The following TTC17 variants were observed in gnomAD, a reference collection of about 807,000 sequenced individuals.
The protein encoded by TTC17 is tetratricopeptide repeat protein 17.
Under a neutral mutation model 143.8 loss-of-function variants are expected in TTC17, and 58 were observed. The observed-to-expected ratio is 0.40, with a 90% CI of 0.33 to 0.50. The LOEUF is 0.50. TTC17 is among the 20% of genes least tolerant of loss of function. TTC17 has a pLI of 0.49. For synonymous variants in TTC17, 501 were observed against 497.8 expected (o/e 1.01, Z -0.09); for missense variants, 1,273 against 1,392.5 (o/e 0.91, Z 1.37).
chr11:43,396,777 G>A lies in TTC17; in HGVS notation c.732G>A (p.Gln244=). Residue 244 remains glutamine (Q), a synonymous_variant, in exon 6 of 24, where the codon CAG becomes CAA. Transcript: ENST00000039989. ...GGAGAATTAAGAATGAGCCATATCA[G>A]GTAGTAGAATGTGCCATGCGAGCAC... ...FYWRIKNEPY[Q]VVECAMRALH... is the part of the protein sequence containing the mutation. 3 of 1,610,998 alleles carry A rather than the reference G, an allele frequency of 1.9e-6. No individual in the cohort carries two copies. Among genetic ancestry groups the A allele is most frequent in the Non-Finnish European group, 2.5e-6 (3 of 1,177,660 alleles).
At chr11:43,422,793 G>A (rs1363492642) in intron 16 of TTC17, among the ~76,000 whole-genome samples, 1 of 152,204 alleles carries the variant, frequency 6.6e-6, no homozygotes, top group African/African-American at 2.4e-5. Flanking sequence ...GGTTTTGAAA[G>A]GAGGTGAGGA....
chr11:43,387,973 G>A (rs2134513723), intron 2 of TTC17, among the ~76,000 whole-genome samples: 1 of 152,320 alleles, frequency 6.6e-6, no homozygotes, highest in Middle Eastern at 3.4e-3. Context: ...TGGGGATATA[G>A]GTGTTATGAT....
chr11:43,395,862 T>C (rs148133880), intron 5 of TTC17, among the ~76,000 whole-genome samples: 1 of 152,188 alleles, frequency 6.6e-6, no homozygotes, highest in Non-Finnish European at 1.5e-5. Context: ...TAATATATTC[T>C]TTTGGAGTTT....
chr11:43,461,664 T>C (rs551830655), intron 21 of TTC17, among the ~76,000 whole-genome samples: 1 of 152,256 alleles, frequency 6.6e-6, no homozygotes, highest in East Asian at 1.9e-4. Flanking sequence ...GAAACATATG[T>C]AAATGAATAG....
chr11:43,366,483 G>A (rs116980018), intron 1 of TTC17, among the ~76,000 whole-genome samples: 2,121 of 148,550 alleles, frequency 0.014, 23 homozygotes, highest in Middle Eastern at 0.066. Flanking sequence ...TCCAGCTTGC[G>A]TGACAGAGTG....
intron 1 of TTC17, among the ~76,000 whole-genome samples, chr11:43,374,743 A>G (rs1005960563): frequency 6.9e-6 from 1 of 145,916 alleles, no homozygotes; most frequent in African/African-American, 2.5e-5. Context: ...CTATTATTAA[A>G]AAGACCAAAA....
chr11:43,486,700 A>G lies in TTC17; in HGVS notation c.3031-3539A>G, dbSNP rs141283431. On this transcript the variant is annotated intron_variant, in intron 21 of 23. Transcript: ENST00000039989. ...TCATTGTATGTTTTACAGCATGAAT[A>G]TGTTTTACATAGTTATATACCTAAT... Among the ~76,000 whole-genome samples, 514 of 152,266 alleles carry G rather than the reference A, an allele frequency of 3.4e-3. 3 individuals carry two copies. Among genetic ancestry groups the G allele is most frequent in the African/African-American group, 0.012 (480 of 41,544 alleles).
At chr11:43,426,977 A>G (rs1038575297) in intron 16 of TTC17, among the ~76,000 whole-genome samples, 1 of 152,196 alleles carries the variant, frequency 6.6e-6, no homozygotes, top group African/African-American at 2.4e-5. Context: ...TGGTTTAAAT[A>G]TTATATTTAC....
Position 43,397,474 on chromosome 11 carries a change from TTGGGGAATATATATG to T in TTC17, c.902_916del (p.Leu301_Ala306delinsSer). 6.2e-7 allele frequency: 1 copy of T among 1,612,166 alleles called. No homozygotes were observed. Among genetic ancestry groups the T allele is most frequent in the Admixed American group, 1.7e-5 (1 of 59,966 alleles). On this transcript the variant is annotated inframe_deletion and splice_region_variant, in exon 7 of 24. Coordinates refer to ENST00000039989, the MANE Select transcript of TTC17 (RefSeq NM_018259.6). ...TGACTTCTTCACCAGCTATTACACTTTGGGGAATATATATGCAGTAAGTACTACTCTTTGTTTCAT... is the reference window on the plus strand; with the variant it reads ...TGACTTCTTCACCAGCTATTACACTTCAGTAAGTACTACTCTTTGTTTCAT...
chr11:43,413,089 A>G lies in TTC17; in HGVS notation c.2065-1501A>G, dbSNP rs537803773. On this transcript the variant is annotated intron_variant, in intron 15 of 23. Coordinates refer to ENST00000039989, the MANE Select transcript of TTC17 (RefSeq NM_018259.6). Reference sequence around the variant, plus strand: ...AAGGCTTTTATTACCAGATTTTGAGATTTACTATAATTAAAAGAGTATGGT... The same window carrying G: ...AAGGCTTTTATTACCAGATTTTGAGGTTTACTATAATTAAAAGAGTATGGT... 4.6e-5 allele frequency among the ~76,000 whole-genome samples: 7 copies of G among 152,086 alleles called. No homozygotes were observed. The South Asian group carries it at 6.2e-4, about 14-fold the overall frequency.
At chr11:43,468,185 G>A (rs1948018037) in intron 21 of TTC17, 1 of 152,190 alleles carries the variant, frequency 6.6e-6, no homozygotes, top group Non-Finnish European at 1.5e-5. Flanking sequence ...AGACAACAAA[G>A]TGACATTTCA....
chr11:43,479,611 CA>C lies in TTC17; in HGVS notation c.3031-10625del, dbSNP rs1157220408. On this transcript the variant is annotated intron_variant, in intron 21 of 23. Transcript: ENST00000039989. ...TAGTAGAACTACAAAATAGCAAAGG[CA>C]AAGGTATCTTAAAGCATCCATTTCA... 4.6e-5 allele frequency among the ~76,000 whole-genome samples: 7 copies of C among 152,254 alleles called. No homozygotes were observed. The South Asian group carries it at 1.4e-3, about 32-fold the overall frequency.
chr11:43,459,339 C>T (rs990949304), intron 21 of TTC17, among the ~76,000 whole-genome samples: 16 of 152,260 alleles, frequency 1.1e-4, no homozygotes, highest in African/African-American at 3.6e-4. Flanking sequence ...GAAGTTGGCT[C>T]CCTTTTCTTT....
intron 2 of TTC17, among the ~76,000 whole-genome samples, chr11:43,381,465 G>C (rs757008690): frequency 3.3e-5 from 5 of 152,132 alleles, no homozygotes; most frequent in Non-Finnish European, 7.4e-5. Context: ...TGTAGGAACA[G>C]AACGAGGCTT....
At chr11:43,429,166 T>C (rs939673773) in intron 16 of TTC17, among the ~76,000 whole-genome samples, 2 of 152,218 alleles carry the variant, frequency 1.3e-5, no homozygotes, top group Non-Finnish European at 2.9e-5. Context: ...TATGCTTATA[T>C]TAGCAGTGGT....
chr11:43,487,582 A>G (rs1454625087), intron 21 of TTC17, among the ~76,000 whole-genome samples: 1 of 152,258 alleles, frequency 6.6e-6, no homozygotes, highest in Non-Finnish European at 1.5e-5. Context: ...AGAAATGCTG[A>G]CACATTATTT....
intron 23 of TTC17, among the ~76,000 whole-genome samples, chr11:43,493,338 A>G (rs1177983264): frequency 6.6e-6 from 1 of 152,158 alleles, no homozygotes; most frequent in Non-Finnish European, 1.5e-5. Context: ...TACATTAGAA[A>G]ATTTAGGCAG....
chr11:43,420,750 G>GAA (rs1333487379), intron 16 of TTC17, among the ~76,000 whole-genome samples: 1 of 151,956 alleles, frequency 6.6e-6, no homozygotes, highest in African/African-American at 2.4e-5. Context: ...ATATTTGTTG[G>GAA]TTTTTAATGT....
chr11:43,407,095 C>T (rs369274814), intron 13 of TTC17, 43 bp from the exon 14 acceptor site: 104 of 1,367,222 alleles, frequency 7.6e-5, no homozygotes, highest in Non-Finnish European at 1.0e-4. Flanking sequence ...AAATGTCTTC[C>T]CTGTTATTTT....
Sources: allele counts gnomAD v4.1 joint callset (sites outside exome capture counted in the v4.1 genomes callset), GRCh38; gene constraint gnomAD v4.1.1; transcripts MANE v1.5; gene names NCBI Gene and HGNC (gene_info 2026-07-23, HGNC 2026-07-21).